The following DPYD variants were observed in gnomAD, a reference collection of about 807,000 sequenced individuals.
The protein encoded by DPYD is dihydropyrimidine dehydrogenase.
A neutral mutation model predicts 116.2 loss-of-function variants in DPYD; 109 were observed. The ratio of observed to expected loss-of-function variants is 0.94; its 90% CI spans 0.80 to 1.10. The LOEUF is 1.10. Ranked by LOEUF, DPYD falls within the 50% of genes least tolerant of loss-of-function variation. DPYD has a pLI of 0.00. For synonymous variants in DPYD, 440 were observed against 432.0 expected, an observed-to-expected ratio of 1.02 and a Z score of -0.23; for missense variants, 1,302 against 1,254.5, an observed-to-expected ratio of 1.04 and a Z score of -0.57.
chr1:97,542,616 C>T (rs1650533594), intron 12 of DPYD, among the ~76,000 whole-genome samples: 2 of 152,122 alleles, frequency 1.3e-5, no homozygotes, highest in African/African-American at 4.8e-5. Context: ...ATTGTCTCTT[C>T]CAGGTTACCT....
At chr1:97,872,647 G>C (rs1413495045) in intron 2 of DPYD, among the ~76,000 whole-genome samples, 2 of 151,776 alleles carry the variant, frequency 1.3e-5, no homozygotes, top group East Asian at 3.9e-4. Context: ...TTTTAAAGAG[G>C]GATACTAATA....
At chr1:97,542,056 T>C (rs2102058772) in intron 12 of DPYD, among the ~76,000 whole-genome samples, 1 of 152,320 alleles carries the variant, frequency 6.6e-6, no homozygotes, top group South Asian at 2.1e-4. Flanking sequence ...TTCACATTAA[T>C]ACCAGATCTG....
intron 17 of DPYD, among the ~76,000 whole-genome samples, chr1:97,305,695 C>A (rs1226711468): frequency 6.6e-6 from 1 of 151,912 alleles, no homozygotes; most frequent in Admixed American, 6.6e-5. Context: ...GGATGGAACA[C>A]AAGCACGCAT....
intron 8 of DPYD, among the ~76,000 whole-genome samples, chr1:97,635,251 C>A (rs974209830): frequency 1.3e-5 from 2 of 152,034 alleles, no homozygotes; most frequent in Non-Finnish European, 2.9e-5. Flanking sequence ...AAGCCCGCAC[C>A]TTCCTTCCTC....
intron 11 of DPYD, among the ~76,000 whole-genome samples, chr1:97,569,906 A>C (rs1289259616): frequency 1.3e-5 from 2 of 152,034 alleles, no homozygotes; most frequent in African/African-American, 4.8e-5. Context: ...TGGAAGAAAC[A>C]GAATTATGTA....
chr1:97,169,558 A>ATTTTATTTTATTTTC (rs1656574543), intron 20 of DPYD, among the ~76,000 whole-genome samples: 1 of 141,616 alleles, frequency 7.1e-6, no homozygotes, highest in African/African-American at 2.6e-5. Context: ...ATTTTATTTT[A>ATTTTATTTTATTTTC]TTTGTTATGG....
intron 18 of DPYD, among the ~76,000 whole-genome samples, chr1:97,271,265 A>C (rs1664568240): frequency 6.6e-6 from 1 of 152,204 alleles, no homozygotes; most frequent in Non-Finnish European, 1.5e-5. Flanking sequence ...GCTTGTGGAC[A>C]TCATTAACAA....
chr1:97,558,599 T>G (rs138501594), intron 11 of DPYD, among the ~76,000 whole-genome samples: 4 of 152,176 alleles, frequency 2.6e-5, no homozygotes, highest in African/African-American at 9.7e-5. Flanking sequence ...GCTAGTAGAA[T>G]TCAGTCAGGG....
chr1:97,800,997 T>A (rs1405511990), intron 3 of DPYD, among the ~76,000 whole-genome samples: 1 of 151,960 alleles, frequency 6.6e-6, no homozygotes, highest in Non-Finnish European at 1.5e-5. Flanking sequence ...CCATTTCCTT[T>A]CTTTGCATTC....
At chr1:97,156,960 C>T (rs1191473549) in intron 20 of DPYD, among the ~76,000 whole-genome samples, 3 of 151,546 alleles carry the variant, frequency 2.0e-5, no homozygotes, top group Non-Finnish European at 4.4e-5. Context: ...AGTTCATGTC[C>T]TTTGTAGGGA....
intron 8 of DPYD, among the ~76,000 whole-genome samples, chr1:97,635,696 T>G (rs1486097102): frequency 6.6e-6 from 1 of 152,120 alleles, no homozygotes; most frequent in Admixed American, 6.6e-5. Context: ...AAAATTAATG[T>G]CAAACAATTT....
intron 18 of DPYD, among the ~76,000 whole-genome samples, chr1:97,254,652 C>T (rs1416636268): frequency 6.6e-6 from 1 of 152,164 alleles, no homozygotes; most frequent in Non-Finnish European, 1.5e-5. Flanking sequence ...TTCACTTTTA[C>T]ATTAAACAGA....
At chr1:97,608,195 T>G (rs2100741371) in intron 8 of DPYD, among the ~76,000 whole-genome samples, 1 of 152,036 alleles carries the variant, frequency 6.6e-6, no homozygotes, top group East Asian at 1.9e-4. Context: ...GAGCACTTTC[T>G]CAAGAAGTAA....
At chr1:97,611,551 A>G (rs917017260) in intron 8 of DPYD, among the ~76,000 whole-genome samples, 1 of 152,098 alleles carries the variant, frequency 6.6e-6, no homozygotes, top group African/African-American at 2.4e-5. Flanking sequence ...CTGCAATTTG[A>G]AAATTCTATA....
At chr1:97,661,394 G>T (rs367948363) in intron 8 of DPYD, among the ~76,000 whole-genome samples, 129 of 152,144 alleles carry the variant, frequency 8.5e-4, no homozygotes, top group African/African-American at 2.9e-3. Context: ...ATATAGAATC[G>T]AGGAGGACTG....
chr1:97,751,450 GTGTGTGTGTGTATATATATA>G (rs1456770003), intron 3 of DPYD, among the ~76,000 whole-genome samples: 81 of 33,206 alleles, frequency 2.4e-3, no homozygotes, highest in African/African-American at 7.4e-3. Context: ...GTGTGTGTGT[GTGTGTGTGTGTATATATATA>G]TATATATATA....
chr1:97,339,062 G>C (rs1320684353), intron 16 of DPYD, among the ~76,000 whole-genome samples: 1 of 151,684 alleles, frequency 6.6e-6, no homozygotes, highest in East Asian at 1.9e-4. Flanking sequence ...AAATCAAAGA[G>C]AGGAGGTAAA....
At chr1:97,179,304 G>T (rs773856200) in intron 20 of DPYD, among the ~76,000 whole-genome samples, 1 of 152,030 alleles carries the variant, frequency 6.6e-6, no homozygotes, top group Non-Finnish European at 1.5e-5. Context: ...TGTTTCACTT[G>T]GGACCTACAT....
intron 16 of DPYD, among the ~76,000 whole-genome samples, chr1:97,316,746 C>T (rs1459946893): frequency 2.0e-5 from 3 of 151,680 alleles, no homozygotes. Flanking sequence ...CCATTGTTCA[C>T]TTCTTTCTGG....
Sources: allele counts gnomAD v4.1 joint callset (sites outside exome capture counted in the v4.1 genomes callset), GRCh38; gene constraint gnomAD v4.1.1; transcripts MANE v1.5; gene names NCBI Gene and HGNC (gene_info 2026-07-23, HGNC 2026-07-21).